The following GSTM2 variants were observed in gnomAD, a reference collection of about 807,000 sequenced individuals.
GSTM2 encodes glutathione S-transferase mu 2.
Under a neutral mutation model 33.3 loss-of-function variants are expected in GSTM2, and 33 were observed. The ratio of observed to expected loss-of-function variants is 0.99; its 90% CI spans 0.75 to 1.33. GSTM2 has a LOEUF of 1.33. Ranked by LOEUF, GSTM2 falls within the 40% of genes most tolerant of loss-of-function variation. GSTM2 has a pLI of 0.00. For synonymous variants in GSTM2, 93 were observed against 95.6 expected, an observed-to-expected ratio of 0.97 and a Z score of 0.16; for missense variants, 213 against 265.8, an observed-to-expected ratio of 0.80 and a Z score of 1.38.
rs1360079822 is a variant in GSTM2, at chr1:109,669,585, C to T, written c.360+14C>T. The T allele has an allele frequency of 1.3e-6, 2 of 1,510,764 alleles. No homozygotes were observed. Among genetic ancestry groups the T allele is most frequent in the South Asian group, 1.1e-5 (1 of 88,578 alleles). The allele number at this position is 1,510,764 out of a possible 1,614,324, so 93.6% of individuals were successfully genotyped here. ...GACCCAGATTTTGTAAGTCCCCCCA[C>T]CCCACTCCCAGTCTCCCCTTCCCTA... On this transcript the variant is annotated intron_variant, in intron 5 of 7. Transcript: ENST00000241337.
chr1:109,679,083 C>T (rs375072280), downstream of GSTM2, among the ~76,000 whole-genome samples: 85 of 152,152 alleles, frequency 5.6e-4, no homozygotes, highest in South Asian at 0.016. Context: ...ATTTATGGTG[C>T]CACCAGCAAG....
At chr1:109,678,959 C>T (rs757944138), downstream of GSTM2, among the ~76,000 whole-genome samples, 6 of 151,858 alleles carry the variant, frequency 4.0e-5, no homozygotes, top group African/African-American at 4.8e-5. Flanking sequence ...AATTCTTTCC[C>T]GTTTTTGGTG....
At chr1:109,673,214 G>A in intron 7 of GSTM2, 2 of 1,611,990 alleles carry the variant, frequency 1.2e-6, no homozygotes, top group Non-Finnish European at 1.7e-6. Flanking sequence ...TGTTCCCCCT[G>A]TGAGATGAGT....
chr1:109,679,085 A>G (rs1647790407), downstream of GSTM2, among the ~76,000 whole-genome samples: 6 of 152,152 alleles, frequency 3.9e-5, 1 homozygote, highest in South Asian at 1.2e-3. Flanking sequence ...TTATGGTGCC[A>G]CCAGCAAGGT....
intron 7 of GSTM2, chr1:109,673,569 G>A: frequency 1.2e-5 from 4 of 334,830 alleles, no homozygotes; most frequent in South Asian, 1.1e-4. Context: ...TTAGGTAAGA[G>A]GTGGTGGGAA....
chr1:109,668,181 G>A (rs1251549937), intron 1 of GSTM2, 30 bp downstream of exon 1: 3 of 1,527,898 alleles, frequency 2.0e-6, no homozygotes, highest in Middle Eastern at 2.1e-4. Context: ...GCGGTGGGAC[G>A]GGGGTGCGTG....
intron 2 of GSTM2, 91 bp from the exon 3 acceptor site, chr1:109,668,834 G>A: frequency 6.9e-7 from 1 of 1,447,058 alleles, no homozygotes; most frequent in Non-Finnish European, 9.7e-7. Flanking sequence ...ACCTGTCTCA[G>A]GGGTCTTGCC....
downstream of GSTM2, among the ~76,000 whole-genome samples, chr1:109,678,273 T>C (rs1017725961): frequency 1.3e-5 from 2 of 152,110 alleles, no homozygotes; most frequent in South Asian, 2.1e-4. Flanking sequence ...GCCTCCTGAG[T>C]AGCTGGGACT....
intron 7 of GSTM2, among the ~76,000 whole-genome samples, chr1:109,674,411 C>G (rs1200087676): frequency 6.6e-6 from 1 of 152,088 alleles, no homozygotes; most frequent in Non-Finnish European, 1.5e-5. Flanking sequence ...CTTCTGTTTC[C>G]CACATGACAA....
downstream of GSTM2, among the ~76,000 whole-genome samples, chr1:109,679,453 GGGTGACA>G (rs1221703197): frequency 6.6e-6 from 1 of 152,174 alleles, no homozygotes; most frequent in Non-Finnish European, 1.5e-5. Flanking sequence ...ACTCCAGCTT[GGGTGACA>G]GAGTGAGATT....
intron 7 of GSTM2, 61 bp from the exon 8 acceptor site, chr1:109,674,686 G>A: frequency 6.2e-7 from 1 of 1,613,342 alleles, no homozygotes; most frequent in East Asian, 2.2e-5. Context: ...CTGCAGTGGG[G>A]TTGTGCCAGC....
intron 5 of GSTM2, 54 bp from the exon 6 acceptor site, chr1:109,671,233 C>T: frequency 7.7e-7 from 1 of 1,298,290 alleles, no homozygotes; most frequent in Admixed American, 1.7e-5. Context: ...TGGGAGGCCG[C>T]ATCTGTGCAG....
At chr1:109,669,613 C>G in intron 5 of GSTM2, 42 bp downstream of exon 5, 2 of 1,196,812 alleles carry the variant, frequency 1.7e-6, no homozygotes, top group Non-Finnish European at 2.5e-6. Context: ...CTTCCCTACT[C>G]CCAGTCTCCC....
Position 109,669,499 on chromosome 1 carries a change from C to T in GSTM2, c.288C>T (p.Arg96=). The T allele has an allele frequency of 1.9e-6, 3 of 1,613,882 alleles. No individual in the cohort carries two copies. The highest frequency in any genetic ancestry group is 1.7e-4 in the Middle Eastern group (1 of 6,060). The change falls in exon 5 of 8, where the codon CGC becomes CGT. Residue 96 remains arginine, a synonymous_variant. Transcript: ENST00000241337. ...GGGAATCAGAAAAGGAGCAGATTCG[C>T]GAAGACATTTTGGAGAACCAGTTTA... The part of the protein sequence containing the change: ...LCGESEKEQI[R]EDILENQFMD...
chr1:109,671,936 A>C (rs1647557136), intron 7 of GSTM2, among the ~76,000 whole-genome samples: 1 of 138,262 alleles, frequency 7.2e-6, no homozygotes. Flanking sequence ...GTGCCACTGC[A>C]TTCCAGCCTG....
chr1:109,676,795 G>A (rs1418368746), downstream of GSTM2, among the ~76,000 whole-genome samples: 2 of 152,160 alleles, frequency 1.3e-5, no homozygotes, highest in African/African-American at 4.8e-5. Context: ...CACCCTGACA[G>A]CAATCTGCAT....
At chr1:109,682,517 G>T (rs1647878886) in intron 7 of GSTM2, among the ~76,000 whole-genome samples, 1 of 110,920 alleles carries the variant, frequency 9.0e-6, no homozygotes, top group Non-Finnish European at 2.3e-5. Context: ...GGGGATTACA[G>T]GCGTGTAGTT....
At chr1:109,672,481 C>T (rs1358851704) in intron 7 of GSTM2, among the ~76,000 whole-genome samples, 2 of 152,160 alleles carry the variant, frequency 1.3e-5, no homozygotes, top group African/African-American at 4.8e-5. Context: ...GTCCCAGAGC[C>T]AGTGGAGGCT....
At chr1:109,676,473 T>A (rs1442695838), downstream of GSTM2, among the ~76,000 whole-genome samples, 3 of 152,104 alleles carry the variant, frequency 2.0e-5, no homozygotes, top group Non-Finnish European at 4.4e-5. Context: ...TTCCTCAGCC[T>A]CCCGAGTAGC....
Sources: gnomAD v4.1 joint callset for allele counts (sites outside exome capture counted in the v4.1 genomes callset) on GRCh38, gnomAD v4.1.1 for gene constraint, MANE v1.5 for transcripts, NCBI Gene and HGNC (gene_info 2026-07-23, HGNC 2026-07-21) for gene names.